The following ST3GAL3 variants were observed in gnomAD, a reference collection of about 807,000 sequenced individuals.
ST3GAL3 encodes the protein ST3 beta-galactoside alpha-2,3-sialyltransferase 3.
ST3GAL3 carries 21 observed loss-of-function variants against 50.1 expected under a neutral mutation model. That is an observed-to-expected ratio of 0.42 (90% confidence interval 0.30 to 0.60). The LOEUF (loss-of-function observed/expected upper bound fraction) is 0.60, where lower values mean the gene tolerates loss of function less well. ST3GAL3 is among the 20% of genes least tolerant of loss of function. The pLI is 0.19. For synonymous variants in ST3GAL3, 183 were observed against 190.0 expected, an observed-to-expected ratio of 0.96 and a Z score of 0.30; for missense variants, 353 against 489.4, an observed-to-expected ratio of 0.72 and a Z score of 2.63.
rs187994987 is a variant in ST3GAL3 at position 43,741,361 on chromosome 1, A to T, written c.118+4981A>T. 2.6e-5 allele frequency among the ~76,000 whole-genome samples: 4 copies of T among 152,300 alleles called. No homozygotes were observed. The East Asian group carries it at 5.8e-4, about 22-fold the overall frequency. Reference sequence around the variant, plus strand: ...CAAAAATGTTTTAAAAATTAAATTCATGCTACTGTGTTTATCAATTATTAC... The same window carrying T: ...CAAAAATGTTTTAAAAATTAAATTCTTGCTACTGTGTTTATCAATTATTAC... On this transcript the variant is annotated intron_variant, in intron 2 of 11. Coordinates refer to ENST00000347631, the MANE Select transcript of ST3GAL3 (RefSeq NM_006279.5).
chr1:43,928,814 CA>C (rs1160562225), intron 11 of ST3GAL3, among the ~76,000 whole-genome samples: 1 of 152,124 alleles, frequency 6.6e-6, no homozygotes, highest in Non-Finnish European at 1.5e-5. Context: ...GTGGCTGAGG[CA>C]GGAGAATCGC....
intron 5 of ST3GAL3, among the ~76,000 whole-genome samples, chr1:43,862,533 G>A (rs1328868368): frequency 6.6e-6 from 1 of 152,048 alleles, no homozygotes; most frequent in Non-Finnish European, 1.5e-5. Flanking sequence ...ACCTAGTTGG[G>A]TGTTCTGCCA....
intron 5 of ST3GAL3, among the ~76,000 whole-genome samples, chr1:43,847,466 A>T (rs759682494): frequency 7.9e-5 from 12 of 152,250 alleles, no homozygotes. Context: ...ATGGAAGGAA[A>T]TTCTGACACA....
intron 5 of ST3GAL3, among the ~76,000 whole-genome samples, chr1:43,849,206 G>T (rs1553385824): frequency 6.8e-6 from 1 of 147,866 alleles, no homozygotes; most frequent in South Asian, 2.1e-4. Flanking sequence ...TTTTGGTTTT[G>T]TGTGTTAGGA....
intron 5 of ST3GAL3, among the ~76,000 whole-genome samples, chr1:43,892,261 A>T (rs1222622945): frequency 6.6e-6 from 1 of 151,588 alleles, no homozygotes; most frequent in Non-Finnish European, 1.5e-5. Context: ...ATCTTGATCA[A>T]TAATTTTTTT....
intron 2 of ST3GAL3, among the ~76,000 whole-genome samples, chr1:43,781,354 C>T (rs1321433398): frequency 6.6e-6 from 1 of 152,008 alleles, no homozygotes; most frequent in Non-Finnish European, 1.5e-5. Flanking sequence ...TGCCTGTAAT[C>T]CCGGCATTTT....
intron 2 of ST3GAL3, among the ~76,000 whole-genome samples, chr1:43,744,655 A>AAAATAAATAAACAAAT (rs1553270664): frequency 2.1e-5 from 3 of 140,944 alleles, no homozygotes; most frequent in African/African-American, 8.0e-5. Context: ...TCCCTCTCAA[A>AAAATAAATAAACAAAT]AAATAAATAA....
At chr1:43,838,407 G>C in intron 5 of ST3GAL3, 96 bp downstream of exon 5, 1 of 1,165,072 alleles carries the variant, frequency 8.6e-7, no homozygotes, top group Non-Finnish European at 1.3e-6. Flanking sequence ...GTTCTCCTAT[G>C]CTCTGGAAAC....
At chr1:43,750,567 C>T (rs1274226324) in intron 2 of ST3GAL3, among the ~76,000 whole-genome samples, 1 of 152,060 alleles carries the variant, frequency 6.6e-6, no homozygotes, top group Non-Finnish European at 1.5e-5. Context: ...ATTTTATTCG[C>T]TTGATACCAA....
chr1:43,756,163 CTT>C (rs1350415512), intron 2 of ST3GAL3, among the ~76,000 whole-genome samples: 1 of 143,420 alleles, frequency 7.0e-6, no homozygotes, highest in Non-Finnish European at 1.5e-5. Flanking sequence ...AAGGAACAAA[CTT>C]GATACATATG....
chr1:43,859,044 GA>G, intron 5 of ST3GAL3, among the ~76,000 whole-genome samples: 2 of 152,346 alleles, frequency 1.3e-5, no homozygotes, highest in South Asian at 4.1e-4. Flanking sequence ...TGGGCTGGAA[GA>G]AAACAAATTG....
At chr1:43,799,931 A>G (rs1206383177) in intron 3 of ST3GAL3, among the ~76,000 whole-genome samples, 2 of 152,140 alleles carry the variant, frequency 1.3e-5, no homozygotes, top group African/African-American at 4.8e-5. Context: ...ACTCAGCCCT[A>G]GATATCTGCT....
At chr1:43,711,977 A>C (rs1456474645) in intron 1 of ST3GAL3, among the ~76,000 whole-genome samples, 3 of 152,264 alleles carry the variant, frequency 2.0e-5, no homozygotes, top group Non-Finnish European at 4.4e-5. Context: ...TTTGGGGAGG[A>C]GGTTTCACTT....
chr1:43,782,380 GCT>G lies in ST3GAL3; in HGVS notation c.119-9719_119-9718del, dbSNP rs997892122. Among the ~76,000 whole-genome samples, 74 of 152,124 alleles carry G rather than the reference GCT, an allele frequency of 4.9e-4. 1 individual carries two copies. Among genetic ancestry groups the G allele is most frequent in the African/African-American group, 1.6e-3 (67 of 41,486 alleles). The stretch of plus-strand genomic sequence containing the variant: ...TCCTGCTAGGTCTTAGCCTCCTTAC[GCT>G]CTGTCTTACACACTGCCGCTAGAAT... On this transcript the variant is annotated intron_variant, in intron 2 of 11. Transcript: ENST00000347631.
intron 4 of ST3GAL3, among the ~76,000 whole-genome samples, chr1:43,820,060 T>G (rs1387573142): frequency 6.6e-6 from 1 of 152,066 alleles, no homozygotes; most frequent in Non-Finnish European, 1.5e-5. Context: ...GACTTCAAAC[T>G]CTACTATAAG....
At chr1:43,818,410 G>C (rs1008571578) in intron 4 of ST3GAL3, among the ~76,000 whole-genome samples, 4 of 152,196 alleles carry the variant, frequency 2.6e-5, no homozygotes, top group Non-Finnish European at 1.5e-5. Context: ...CATGAGTTCA[G>C]TTTAAGGTAT....
intron 9 of ST3GAL3, chr1:43,920,186 G>T (rs1557557576): frequency 1.6e-6 from 1 of 609,518 alleles, no homozygotes. Context: ...TTACACACTG[G>T]AGCCCCACCA....
At chr1:43,758,096 A>T (rs1306320305) in intron 2 of ST3GAL3, among the ~76,000 whole-genome samples, 1 of 152,082 alleles carries the variant, frequency 6.6e-6, no homozygotes, top group East Asian at 1.9e-4. Flanking sequence ...ATTAGTATTA[A>T]ATGCGAATTA....
intron 3 of ST3GAL3, among the ~76,000 whole-genome samples, chr1:43,795,469 C>T (rs1237986992): frequency 6.6e-6 from 1 of 152,172 alleles, no homozygotes; most frequent in African/African-American, 2.4e-5. Context: ...TTGCAAGAGG[C>T]CAATAGTTTT....
Sources: gnomAD v4.1 joint callset for allele counts (sites outside exome capture counted in the v4.1 genomes callset) on GRCh38, gnomAD v4.1.1 for gene constraint, MANE v1.5 for transcripts, NCBI Gene and HGNC (gene_info 2026-07-23, HGNC 2026-07-21) for gene names.